SHROOM4: variants seen among roughly 807,000 people sequenced by gnomAD.
SHROOM4 encodes the protein protein Shroom4.
In SHROOM4, 17 loss-of-function variants were observed where a neutral mutation model predicts 80.3. The observed-to-expected ratio is 0.21, with a 90% CI of 0.14 to 0.32. The LOEUF is 0.32. Among genes scored for constraint, SHROOM4 ranks in the 10% least tolerant of loss-of-function variants. The probability of loss-of-function intolerance (pLI) is 1.00; values close to 1 mark genes in which losing one functional copy is unlikely to be tolerated. For missense variants in SHROOM4, 993 were observed against 1,140.3 expected, an observed-to-expected ratio of 0.87 and a Z score of 1.86; for synonymous variants, 400 against 437.5, an observed-to-expected ratio of 0.91 and a Z score of 1.07.
chrX:50,611,136 CT>C (rs1432209307), intron 5 of SHROOM4, among the ~76,000 whole-genome samples: 4 of 72,909 alleles, frequency 5.5e-5, no homozygotes, highest in South Asian at 7.4e-4. Flanking sequence ...ACCATATTTT[CT>C]TTTTTTCTTT....
At chrX:50,620,634 T>C (rs1930534052) in intron 5 of SHROOM4, among the ~76,000 whole-genome samples, 1 of 112,025 alleles carries the variant, frequency 8.9e-6, no homozygotes, top group South Asian at 3.7e-4. Context: ...CAGAAGCACG[T>C]TTCCTCACAG....
In SHROOM4 at chrX:50,596,692, G is replaced by A; in HGVS notation, c.*3C>T. The A allele has an allele frequency of 8.3e-7, 1 of 1,209,547 alleles. No homozygotes were observed. The highest frequency in any genetic ancestry group is 1.1e-6 in the Non-Finnish European group (1 of 895,520). On this transcript the variant is annotated 3_prime_UTR_variant, in exon 9 of 9. Coordinates refer to ENST00000376020, the MANE Select transcript of SHROOM4 (RefSeq NM_020717.5). Reference sequence around the variant, plus strand: ...GGGATGCTGTGGCAGAGTGCTGGTAGAATTAGAAATTGCTGGGCCCCAGGA... The same window carrying A: ...GGGATGCTGTGGCAGAGTGCTGGTAAAATTAGAAATTGCTGGGCCCCAGGA...
At position 50,594,147 on chromosome X, in the gene SHROOM4, T is replaced by G. The variant is rs1928998137; in HGVS notation, c.*2548A>C. On this transcript the variant is annotated 3_prime_UTR_variant, in exon 9 of 9. Coordinates refer to ENST00000376020, the MANE Select transcript of SHROOM4 (RefSeq NM_020717.5). ...CTTGGCCTGCCTTCCAAACTGCTACTCACTGGCAGGCCTTGGAGGAGGGCT... is the reference window on the plus strand; with the variant it reads ...CTTGGCCTGCCTTCCAAACTGCTACGCACTGGCAGGCCTTGGAGGAGGGCT... 8.9e-6 allele frequency: 1 copy of G among 112,118 alleles called. No homozygotes were observed. The highest frequency in any genetic ancestry group is 3.2e-5 in the African/African-American group (1 of 30,800). 9.2% of individuals were successfully genotyped at this position (112,118 alleles called of 1,213,427 possible).
intron 5 of SHROOM4, among the ~76,000 whole-genome samples, chrX:50,608,727 A>G (rs951312260): frequency 1.8e-5 from 2 of 112,024 alleles, no homozygotes; most frequent in African/African-American, 6.5e-5. Context: ...ATTGATTGCC[A>G]TAATACCCAT....
chrX:50,762,243 T>A (rs1187577880), intron 1 of SHROOM4, among the ~76,000 whole-genome samples: 2 of 112,238 alleles, frequency 1.8e-5, no homozygotes, highest in Admixed American at 9.5e-5. Context: ...TTTCTGGTAC[T>A]CTTTATTTCT....
chrX:50,651,008 A>G (rs782605754), intron 2 of SHROOM4, among the ~76,000 whole-genome samples: 15 of 111,786 alleles, frequency 1.3e-4, no homozygotes, highest in African/African-American at 3.9e-4. Flanking sequence ...AACCAGGAGC[A>G]AGTTTGAGAG....
intron 2 of SHROOM4, among the ~76,000 whole-genome samples, chrX:50,645,760 G>C (rs1451353011): frequency 2.7e-5 from 3 of 111,760 alleles, no homozygotes; most frequent in Admixed American, 9.5e-5. Context: ...GATCAAGTAT[G>C]ACCTCCTGTG....
downstream of SHROOM4, among the ~76,000 whole-genome samples, chrX:50,585,325 C>T (rs913623181): frequency 9.0e-6 from 1 of 111,511 alleles, no homozygotes; most frequent in African/African-American, 3.3e-5. Flanking sequence ...TCTGAGTTGA[C>T]ACCAAAGGAC....
chrX:50,686,188 T>G (rs782461107), intron 2 of SHROOM4, among the ~76,000 whole-genome samples: 7 of 106,568 alleles, frequency 6.6e-5, no homozygotes, highest in Non-Finnish European at 1.3e-4. Context: ...CCCACCACCA[T>G]GCCTGGCTAA....
chrX:50,791,577 CTTTTTTTT>C (rs782127144), intron 1 of SHROOM4, among the ~76,000 whole-genome samples: 3 of 57,991 alleles, frequency 5.2e-5, no homozygotes, highest in Admixed American at 1.9e-4. Flanking sequence ...CCATGCCTGA[CTTTTTTTT>C]TTTTTTTTTT....
chrX:50,653,067 A>G (rs1234800520), intron 2 of SHROOM4, among the ~76,000 whole-genome samples: 2 of 111,676 alleles, frequency 1.8e-5, no homozygotes, highest in East Asian at 2.8e-4. Flanking sequence ...TTTTGGTTCC[A>G]TATGAAATTT....
intron 1 of SHROOM4, among the ~76,000 whole-genome samples, chrX:50,763,659 T>TATA (rs1935208147): frequency 8.9e-6 from 1 of 111,811 alleles, no homozygotes; most frequent in African/African-American, 3.3e-5. Flanking sequence ...TCAGAGTAGC[T>TATA]CCTGGGTCAG....
At chrX:50,694,543 ATTTTTTTTTT>A (rs782530547) in intron 2 of SHROOM4, among the ~76,000 whole-genome samples, 3 of 12,494 alleles carry the variant, frequency 2.4e-4, no homozygotes, top group Admixed American at 2.1e-3. Context: ...TTTAAGTTGG[ATTTTTTTTTT>A]TTTTTTTTTT....
Position 50,596,783 on chromosome X carries a change from T to C in SHROOM4, c.4394A>G (p.Gln1465Arg), listed in dbSNP as rs782002335. 4 of 1,210,433 alleles carry C rather than the reference T, an allele frequency of 3.3e-6. No homozygotes were observed. Among genetic ancestry groups the C allele is most frequent in the Admixed American group, 2.2e-5 (1 of 45,934 alleles). Reference sequence around the variant, plus strand: ...CTTGATCTTCTCCTCCAGCTCTCGCTGTTCAATGATGAGAGCAGATTTCAT... The same window carrying C: ...CTTGATCTTCTCCTCCAGCTCTCGCCGTTCAATGATGAGAGCAGATTTCAT... ...VKMKSALIIEQRELEEKIKLG... is the reference protein window; with the variant it reads ...VKMKSALIIERRELEEKIKLG... Residue 1465 changes from glutamine to arginine, a missense_variant, in exon 9 of 9, where the codon CAG (glutamine) becomes CGG (arginine). Physicochemically the swap from Gln to Arg is conservative, Grantham distance 43. Transcript: ENST00000376020.
chrX:50,583,135 T>A (rs1213865388), downstream of SHROOM4, among the ~76,000 whole-genome samples: 4 of 110,176 alleles, frequency 3.6e-5, no homozygotes. Flanking sequence ...CTTCCATTAT[T>A]CATATTACTG....
Position 50,586,998 on chromosome X carries a change from A to T in SHROOM4, c.*9697T>A, listed in dbSNP as rs1186019008. ...TACAGCATTATTAACTATAGAACTT[A>T]TGCTGTACATGAGATCTCTAGATTT... On this transcript the variant is annotated 3_prime_UTR_variant, in exon 9 of 9. Transcript: ENST00000376020. Among the ~76,000 whole-genome samples, 1 of 111,918 alleles carries T rather than the reference A, an allele frequency of 8.9e-6. No homozygotes were observed. The highest frequency in any genetic ancestry group is 1.9e-5 in the Non-Finnish European group (1 of 53,198).
At chrX:50,812,412 G>T (rs1014434600) in intron 1 of SHROOM4, among the ~76,000 whole-genome samples, 9 of 107,693 alleles carry the variant, frequency 8.4e-5, no homozygotes, top group Non-Finnish European at 1.7e-4. Context: ...GATGACAAAC[G>T]CATCTCAGGC....
intron 5 of SHROOM4, among the ~76,000 whole-genome samples, chrX:50,624,930 A>G (rs1930734644): frequency 8.9e-6 from 1 of 112,030 alleles, no homozygotes; most frequent in Admixed American, 9.5e-5. Context: ...TTAGACACAC[A>G]AAATATTCAA....
intron 6 of SHROOM4, among the ~76,000 whole-genome samples, chrX:50,603,040 G>A (rs181977191): frequency 1.8e-5 from 2 of 111,805 alleles, no homozygotes; most frequent in East Asian, 2.8e-4. Flanking sequence ...TGACTTCATC[G>A]GCTAGGGAGA....
Sources: allele counts gnomAD v4.1 joint callset (sites outside exome capture counted in the v4.1 genomes callset), GRCh38; gene constraint gnomAD v4.1.1; transcripts MANE v1.5; gene names NCBI Gene and HGNC (gene_info 2026-07-23, HGNC 2026-07-21).